FER: variants seen among roughly 807,000 people sequenced by gnomAD.
The protein encoded by FER is FER tyrosine kinase.
Under a neutral mutation model 111.0 loss-of-function variants are expected in FER, and 63 were observed. The ratio of observed to expected loss-of-function variants is 0.57; its 90% CI spans 0.46 to 0.70. The LOEUF is 0.70. Ranked by LOEUF, FER falls within the 30% of genes least tolerant of loss-of-function variation. The pLI is 0.00. For missense variants in FER, 914 were observed against 954.0 expected (o/e 0.96, Z 0.55); for synonymous variants, 327 against 313.9 (o/e 1.04, Z -0.44).
In FER at chr5:109,187,862, A is replaced by G. The variant is rs1759053885; in HGVS notation, c.*287A>G. The G allele has an allele frequency of 4.9e-6, 2 of 411,514 alleles. No homozygotes were observed. The highest frequency in any genetic ancestry group is 5.1e-5 in the South Asian group (2 of 39,288). The allele number at this position is 411,514 out of a possible 1,614,324, so 25.5% of individuals were successfully genotyped here. On this transcript the variant is annotated 3_prime_UTR_variant, in exon 20 of 20. Transcript: ENST00000281092. ...ACAGGCTTCTAAGTGTGTGAAGGAT[A>G]AAAGATCTATCCTATCCTTTTCACA...
At chr5:108,999,792 C>T (rs183547761) in intron 13 of FER, among the ~76,000 whole-genome samples, 5 of 150,742 alleles carry the variant, frequency 3.3e-5, no homozygotes, top group Non-Finnish European at 7.4e-5. Flanking sequence ...GATGATTTAA[C>T]ATCTTTTCCT....
chr5:109,032,729 G>C (rs1346573367), intron 13 of FER, among the ~76,000 whole-genome samples: 1 of 152,058 alleles, frequency 6.6e-6, no homozygotes. Context: ...GGGTTTATAA[G>C]GCCACCAAAA....
intron 16 of FER, among the ~76,000 whole-genome samples, chr5:109,065,503 C>G (rs1367860745): frequency 6.6e-6 from 1 of 152,062 alleles, no homozygotes; most frequent in African/African-American, 2.4e-5. Context: ...GATGACGATA[C>G]AAAGTATCTG....
chr5:109,181,084 C>T (rs1296502485), intron 18 of FER, among the ~76,000 whole-genome samples, 183 bp downstream of exon 18: 1 of 152,018 alleles, frequency 6.6e-6, no homozygotes, highest in Non-Finnish European at 1.5e-5. Context: ...CTATATGTAA[C>T]ATTGCTATAT....
intron 1 of FER, among the ~76,000 whole-genome samples, chr5:108,760,136 AAT>A (rs1031837827): frequency 6.6e-6 from 1 of 150,682 alleles, no homozygotes; most frequent in African/African-American, 2.5e-5. Flanking sequence ...GATGATCAAT[AAT>A]ATTTTGAAAG....
intron 17 of FER, among the ~76,000 whole-genome samples, chr5:109,143,451 G>A (rs570811191): frequency 2.6e-5 from 4 of 152,076 alleles, no homozygotes; most frequent in East Asian, 3.9e-4. Context: ...TGTTTCACTC[G>A]ACCTGTTTTT....
At chr5:108,966,687 A>G (rs1015422018) in intron 13 of FER, among the ~76,000 whole-genome samples, 8 of 151,828 alleles carry the variant, frequency 5.3e-5, no homozygotes, top group Non-Finnish European at 1.2e-4. Context: ...CGCCTGGCCA[A>G]GTATTTATTA....
At chr5:108,953,625 G>T (rs549488097) in intron 11 of FER, among the ~76,000 whole-genome samples, 4 of 151,942 alleles carry the variant, frequency 2.6e-5, no homozygotes, top group African/African-American at 4.8e-5. Context: ...AACAATAAAG[G>T]CTATGTTAAA....
chr5:108,761,225 G>A (rs547176971), intron 1 of FER, among the ~76,000 whole-genome samples: 2 of 152,170 alleles, frequency 1.3e-5, no homozygotes, highest in Non-Finnish European at 2.9e-5. Context: ...ACTGCACCTG[G>A]CCTATTTTGG....
At chr5:108,820,046 G>A (rs1440400927) in intron 3 of FER, 2 of 985,144 alleles carry the variant, frequency 2.0e-6, no homozygotes, top group Non-Finnish European at 2.4e-6. Context: ...AAGGGAATGG[G>A]AAAGAGTGGA....
rs936761188 is a variant in FER at position 109,193,485 on chromosome 5, C to T, written c.*5910C>T. ...TCTAAGAGATACAAATCCTGAATTT[C>T]TAACTATCTTCTCAAATATTACTGA... On this transcript the variant is annotated 3_prime_UTR_variant, in exon 20 of 20. Coordinates refer to ENST00000281092, the MANE Select transcript of FER (RefSeq NM_005246.4). 6 of 152,150 alleles carry T rather than the reference C, an allele frequency of 3.9e-5. No individual in the cohort carries two copies. Among genetic ancestry groups the T allele is most frequent in the African/African-American group, 1.4e-4 (6 of 41,436 alleles). The allele number at this position is 152,150 out of a possible 1,614,324, so 9.4% of individuals were successfully genotyped here.
At chr5:108,801,436 C>T (rs1756632483) in intron 3 of FER, among the ~76,000 whole-genome samples, 1 of 152,164 alleles carries the variant, frequency 6.6e-6, no homozygotes, top group African/African-American at 2.4e-5. Context: ...GTACAGTAGT[C>T]ATCCCTTATT....
intron 3 of FER, among the ~76,000 whole-genome samples, chr5:108,831,811 A>G (rs1012864691): frequency 6.6e-6 from 1 of 152,358 alleles, no homozygotes; most frequent in African/African-American, 2.4e-5. Flanking sequence ...CTGTTCATTC[A>G]CAGATCAAAA....
chr5:109,183,225 A>G (rs1240744885), intron 18 of FER, among the ~76,000 whole-genome samples: 1 of 149,128 alleles, frequency 6.7e-6, no homozygotes, highest in African/African-American at 2.5e-5. Flanking sequence ...CAGTTACTGA[A>G]GATTGACTCT....
chr5:108,839,410 A>G (rs943618418), intron 5 of FER, among the ~76,000 whole-genome samples: 2 of 152,106 alleles, frequency 1.3e-5, no homozygotes, highest in Non-Finnish European at 2.9e-5. Flanking sequence ...GAGTTAGGCT[A>G]GTCAAGTGCC....
chr5:108,822,766 T>TA (rs57787064), intron 3 of FER, among the ~76,000 whole-genome samples: 3 of 149,082 alleles, frequency 2.0e-5, no homozygotes, highest in African/African-American at 7.5e-5. Context: ...TTATTTTATT[T>TA]ATTTTATTTT....
intron 17 of FER, among the ~76,000 whole-genome samples, chr5:109,149,337 T>A (rs1268838945): frequency 1.3e-5 from 2 of 152,124 alleles, no homozygotes; most frequent in Non-Finnish European, 2.9e-5. Context: ...TAAAAGAGTA[T>A]CTGGAGCATG....
chr5:108,800,231 A>G (rs1756487240), intron 3 of FER, among the ~76,000 whole-genome samples: 1 of 152,120 alleles, frequency 6.6e-6, no homozygotes, highest in Admixed American at 6.6e-5. Context: ...CATTCTGTTG[A>G]CATATCTTAT....
chr5:108,923,041 G>A (rs1462272272), intron 10 of FER, among the ~76,000 whole-genome samples: 3 of 152,052 alleles, frequency 2.0e-5, no homozygotes, highest in Non-Finnish European at 4.4e-5. Flanking sequence ...CTGTACCTCA[G>A]TTTTCTCATC....
Sources: gnomAD v4.1 joint callset for allele counts (sites outside exome capture counted in the v4.1 genomes callset) on GRCh38, gnomAD v4.1.1 for gene constraint, MANE v1.5 for transcripts, NCBI Gene and HGNC (gene_info 2026-07-23, HGNC 2026-07-21) for gene names.